The following PAQR4 variants were observed in gnomAD, a reference collection of about 807,000 sequenced individuals.
PAQR4 encodes progestin and adipoQ receptor family member 4, also known as progestin and adipoQ receptor family member IV.
Under a neutral mutation model 20.9 loss-of-function variants are expected in PAQR4, and 26 were observed. The observed-to-expected ratio is 1.24, with a 90% confidence interval of 0.91 to 1.73. The LOEUF is 1.73. Among genes scored for constraint, PAQR4 ranks in the 40% most tolerant of loss-of-function variants. The pLI is 0.00. For synonymous variants in PAQR4, 193 were observed against 171.6 expected, an observed-to-expected ratio of 1.12 and a Z score of -0.97; for missense variants, 400 against 380.1, an observed-to-expected ratio of 1.05 and a Z score of -0.44.
Position 2,972,735 on chromosome 16 carries a change from G to C in PAQR4, c.*787G>C, listed in dbSNP as rs1237315695. 6 of 1,536,598 alleles carry C rather than the reference G, an allele frequency of 3.9e-6. No individual in the cohort carries two copies. In the African/African-American group the frequency reaches 5.5e-5, roughly 14 times the overall value. On this transcript the variant is annotated 3_prime_UTR_variant, in exon 3 of 3. Transcript: ENST00000318782. ...GCGCTGGGTTCTGCAGCAGGGCTCA[G>C]CCTCAGGGGCGTTAAGACCCTGGAT...
chr16:2,971,897 C>G lies in PAQR4; in HGVS notation c.771C>G (p.Gly257=). 11 of 1,607,024 alleles carry G rather than the reference C, an allele frequency of 6.8e-6. No homozygotes were observed. The highest frequency in any genetic ancestry group is 1.3e-5 in the African/African-American group (1 of 75,044). The change falls in exon 3 of 3, where the codon GGC becomes GGG. Residue 257 remains glycine, a synonymous_variant. Coordinates refer to ENST00000318782, the MANE Select transcript of PAQR4 (RefSeq NM_152341.5). ...SVGSILQLHA[G]VVPDLLWAAH... The stretch of plus-strand genomic sequence containing the variant: ...GCTCCATCCTGCAGCTGCACGCCGG[C>G]GTCGTGCCCGACCTGCTCTGGGCTG...
chr16:2,971,964 T>C lies in PAQR4; in HGVS notation c.*16T>C. On this transcript the variant is annotated 3_prime_UTR_variant, in exon 3 of 3. Transcript: ENST00000318782. ...CCGGGACTGAGCTGCCATGCCAGCC[T>C]GCCCACAGCAGCCTCCTAGAGTTAG... 2 of 1,563,556 alleles carry C rather than the reference T, an allele frequency of 1.3e-6. No individual in the cohort carries two copies. The highest frequency in any genetic ancestry group is 1.7e-6 in the Non-Finnish European group (2 of 1,159,174).
chr16:2,971,106 C>G (rs1310546452), intron 1 of PAQR4, 51 bp from the exon 2 acceptor site: 2 of 1,560,502 alleles, frequency 1.3e-6, no homozygotes, highest in East Asian at 4.5e-5. Flanking sequence ...ACCGTGGTCC[C>G]CTTGAGGATG....
intron 1 of PAQR4, 148 bp downstream of exon 1, chr16:2,969,988 C>A: frequency 9.1e-7 from 1 of 1,098,466 alleles, no homozygotes; most frequent in Non-Finnish European, 1.3e-6. Context: ...GACAAAGCTG[C>A]CATTGTCCCG....
In PAQR4 at chr16:2,972,498, G is replaced by A; in HGVS notation, c.*550G>A. On this transcript the variant is annotated 3_prime_UTR_variant, in exon 3 of 3. Transcript: ENST00000318782. The stretch of plus-strand genomic sequence containing the variant: ...GCGTGGACCCGTCTTGTACCAGCTG[G>A]CCACAGGCACAAGGGCTGCAGCTGC... 1 of 960,704 alleles carries A rather than the reference G, an allele frequency of 1.0e-6. No individual in the cohort carries two copies. Among genetic ancestry groups the A allele is most frequent in the South Asian group, 1.7e-5 (1 of 59,580 alleles). 59.5% of individuals were successfully genotyped at this position (960,704 alleles called of 1,614,324 possible).
chr16:2,972,958 T>A lies in PAQR4; in HGVS notation c.*1010T>A. ...GCAGAGGCAGAGTCTGGGGCTCAGGTTGGGTCTAGGGTGTCCTCAAACAGG... is the reference window on the plus strand; with the variant it reads ...GCAGAGGCAGAGTCTGGGGCTCAGGATGGGTCTAGGGTGTCCTCAAACAGG... On this transcript the variant is annotated 3_prime_UTR_variant, in exon 3 of 3. Coordinates refer to ENST00000318782, the MANE Select transcript of PAQR4 (RefSeq NM_152341.5). The A allele has an allele frequency of 6.2e-7, 1 of 1,603,990 alleles. No individual in the cohort carries two copies. The highest frequency in any genetic ancestry group is 1.1e-5 in the South Asian group (1 of 89,044).
rs760470467 is a variant in PAQR4 at position 2,971,858 on chromosome 16, C to T, written c.732C>T (p.His244=). ...DYWGNSHQIM[H]LLSVGSILQL... is the part of the protein sequence containing the mutation. ...GGGGCAACTCCCACCAGATCATGCA[C>T]CTGCTGAGCGTGGGCTCCATCCTGC... The change falls in exon 3 of 3, where the codon CAC becomes CAT. Residue 244 remains histidine, a synonymous_variant. Coordinates refer to ENST00000318782, the MANE Select transcript of PAQR4 (RefSeq NM_152341.5). The T allele has an allele frequency of 1.2e-5, 20 of 1,612,088 alleles. No individual in the cohort carries two copies. The highest frequency in any genetic ancestry group is 1.6e-5 in the Non-Finnish European group (19 of 1,179,912).
At chr16:2,970,905 G>T (rs1394690224) in intron 1 of PAQR4, 7 of 596,198 alleles carry the variant, frequency 1.2e-5, no homozygotes, top group Non-Finnish European at 2.1e-5. Context: ...CGGTCACTCA[G>T]CCCCTCCAAG....
chr16:2,971,773 G>C lies in PAQR4; in HGVS notation c.647G>C (p.Gly216Ala). 1 of 1,612,980 alleles carries C rather than the reference G, an allele frequency of 6.2e-7. No individual in the cohort carries two copies. The highest frequency in any genetic ancestry group is 8.5e-7 in the Non-Finnish European group (1 of 1,179,912). The change falls in exon 3 of 3, where the codon GGG (glycine) becomes GCG (alanine). Residue 216 changes from glycine (G) to alanine (A), a missense_variant. Physicochemically the swap from Gly to Ala is moderately conservative, Grantham distance 60. Transcript: ENST00000318782. ...CGCATGGACGCACTGGCGCTGCTTG[G>C]GGGACTGGTAAATGTAGCCCGTCTG... The part of the protein sequence containing the change: ...YLRMDALALL[G>A]GLVNVARLPE...
chr16:2,969,545 T>G lies in PAQR4; in HGVS notation c.-130T>G. 1 of 1,096,092 alleles carries G rather than the reference T, an allele frequency of 9.1e-7. No individual in the cohort carries two copies. Among genetic ancestry groups the G allele is most frequent in the Non-Finnish European group, 1.2e-6 (1 of 841,394 alleles). 67.9% of individuals were successfully genotyped at this position (1,096,092 alleles called of 1,614,324 possible). A position where few individuals can be genotyped will look rare whatever the true frequency, so the allele number is the denominator to read the frequency against. The stretch of plus-strand genomic sequence containing the variant: ...ACCCCCTAGCCAGCGCGTGCGCCGA[T>G]CGAGCGCAGGGCGATGGGTGGGCGC... On this transcript the variant is annotated 5_prime_UTR_variant, in exon 1 of 3. Coordinates refer to ENST00000318782, the MANE Select transcript of PAQR4 (RefSeq NM_152341.5).
rs377322650 is a variant in PAQR4, at chr16:2,973,085, C to G, written c.*1137C>G. 1.0e-5 allele frequency: 16 copies of G among 1,580,684 alleles called. No individual in the cohort carries two copies. The highest frequency in any genetic ancestry group is 1.2e-5 in the Non-Finnish European group (14 of 1,162,052). ...CATCCCTGGGAGGAGAGAGTAGTGA[C>G]ACTCAGGATCCAAAAGCTAGCCCTG... On this transcript the variant is annotated 3_prime_UTR_variant, in exon 3 of 3. Transcript: ENST00000318782.
Position 2,971,518 on chromosome 16 carries a change from C to T in PAQR4, c.392C>T (p.Ala131Val). 9 of 1,583,498 alleles carry T rather than the reference C, an allele frequency of 5.7e-6. No homozygotes were observed. Among genetic ancestry groups the T allele is most frequent in the Non-Finnish European group, 7.7e-6 (9 of 1,169,334 alleles). ...CGVCLVNTLGALPIIHCTLAC... is the reference protein window; with the variant it reads ...CGVCLVNTLGVLPIIHCTLAC... The stretch of plus-strand genomic sequence containing the variant: ...CCTGTTCTCTCCTCTTGTGCAGGGG[C>T]CCTGCCCATCATCCACTGCACCCTG... The change falls in exon 3 of 3, where the codon GCC (alanine) becomes GTC (valine). Residue 131 changes from alanine to valine, a missense_variant. Transcript: ENST00000318782.
rs1241758558 is a variant in PAQR4 at position 2,969,665 on chromosome 16, G to A, written c.-10G>A. ...CAGCAGGAGCACGGGCTGCCCGCGC[G>A]GTGCGGACCATGGCGTTCCTGGCCG... On this transcript the variant is annotated 5_prime_UTR_variant, in exon 1 of 3. Coordinates refer to ENST00000318782, the MANE Select transcript of PAQR4 (RefSeq NM_152341.5). The A allele has an allele frequency of 6.6e-7, 1 of 1,520,544 alleles. No homozygotes were observed. Among genetic ancestry groups the A allele is most frequent in the South Asian group, 1.2e-5 (1 of 81,554 alleles). The allele number at this position is 1,520,544 out of a possible 1,614,324, so 94.2% of individuals were successfully genotyped here.
Position 2,973,398 on chromosome 16 carries a change from ATCTGGC to A in PAQR4, c.*1452_*1457del, listed in dbSNP as rs2151068139. ...CTTGGACAGCCTTCAAAGTCCTTCC[ATCTGGC>A]TGCACTCCAAGGCCCCCTCTGTCCT... On this transcript the variant is annotated 3_prime_UTR_variant, in exon 3 of 3. Coordinates refer to ENST00000318782, the MANE Select transcript of PAQR4 (RefSeq NM_152341.5). The A allele has an allele frequency of 6.5e-7, 1 of 1,536,548 alleles. No homozygotes were observed. The highest frequency in any genetic ancestry group is 1.4e-5 in the African/African-American group (1 of 73,160).
rs777008545 is a variant in PAQR4 at position 2,973,081 on chromosome 16, G to A, written c.*1133G>A. 6 of 1,584,254 alleles carry A rather than the reference G, an allele frequency of 3.8e-6. No homozygotes were observed. Among genetic ancestry groups the A allele is most frequent in the Non-Finnish European group, 5.2e-6 (6 of 1,164,340 alleles). On this transcript the variant is annotated 3_prime_UTR_variant, in exon 3 of 3. Transcript: ENST00000318782. ...AGGGCATCCCTGGGAGGAGAGAGTA[G>A]TGACACTCAGGATCCAAAAGCTAGC...
intron 2 of PAQR4, 50 bp downstream of exon 2, chr16:2,971,428 A>AT (rs765014535): frequency 3.1e-6 from 5 of 1,588,068 alleles, no homozygotes; most frequent in Non-Finnish European, 4.3e-6. Flanking sequence ...CGGGAGAGGC[A>AT]TGGGGCACGC....
rs2071921874 is a variant in PAQR4 at position 2,969,558 on chromosome 16, G to A, written c.-117G>A. 8.2e-7 allele frequency: 1 copy of A among 1,220,368 alleles called. No individual in the cohort carries two copies. The highest frequency in any genetic ancestry group is 4.2e-5 in the Admixed American group (1 of 23,696). 75.6% of individuals were successfully genotyped at this position (1,220,368 alleles called of 1,614,324 possible). A position where few individuals can be genotyped will look rare whatever the true frequency, so the allele number is the denominator to read the frequency against. ...CGCGTGCGCCGATCGAGCGCAGGGC[G>A]ATGGGTGGGCGCCGGGCGCCGGGCG... is the stretch of plus-strand genomic sequence containing the variant. On this transcript the variant is annotated 5_prime_UTR_variant, in exon 1 of 3. Transcript: ENST00000318782.
intron 1 of PAQR4, chr16:2,970,047 G>A: frequency 1.5e-6 from 1 of 660,426 alleles, no homozygotes; most frequent in Non-Finnish European, 2.5e-6. Flanking sequence ...GCCGGGTCAG[G>A]AGAGGGGAGC....
intron 1 of PAQR4, chr16:2,970,225 G>A (rs1016131363): frequency 1.9e-5 from 4 of 209,282 alleles, no homozygotes; most frequent in East Asian, 1.7e-4. Context: ...CAGCGCCGCC[G>A]TCCTGACGCC....
Sources: gnomAD v4.1 joint callset for allele counts on GRCh38, gnomAD v4.1.1 for gene constraint, MANE v1.5 for transcripts, NCBI Gene and HGNC (gene_info 2026-07-23, HGNC 2026-07-21) for gene names.